ARK2C: variants seen among roughly 807,000 people sequenced by gnomAD.
The protein encoded by ARK2C is E3 ubiquitin-protein ligase ARK2C.
chr18:46,371,378 C>G, the ARK2C span, among the ~76,000 whole-genome samples: 1 of 152,110 alleles, frequency 6.6e-6, no homozygotes, highest in African/African-American at 2.4e-5. Context: ...GGAAGCACAG[C>G]CCAGGCCAGC....
the ARK2C span, chr18:46,460,537 ATTT>A: frequency 6.6e-6 from 1 of 152,380 alleles, no homozygotes; most frequent in African/African-American, 2.4e-5. Context: ...TTTAATTATA[ATTT>A]ATTTATTTAG....
At chr18:46,368,205 G>A in the ARK2C span, among the ~76,000 whole-genome samples, 1 of 152,300 alleles carries the variant, frequency 6.6e-6, no homozygotes, top group South Asian at 2.1e-4. Flanking sequence ...AAGCTTATTG[G>A]AAGTTCACTA....
At chr18:46,432,748 GA>G in the ARK2C span, among the ~76,000 whole-genome samples, 1 of 152,160 alleles carries the variant, frequency 6.6e-6, no homozygotes, top group Non-Finnish European at 1.5e-5. Context: ...ACGAGGTCAA[GA>G]GATCGAGACC....
At chr18:46,353,086 T>C in the ARK2C span, among the ~76,000 whole-genome samples, 1 of 152,222 alleles carries the variant, frequency 6.6e-6, no homozygotes, top group Non-Finnish European at 1.5e-5. Flanking sequence ...CCTGTGGCGA[T>C]TGGATGTGAT....
At chr18:46,407,428 A>T in the ARK2C span, among the ~76,000 whole-genome samples, 2 of 152,072 alleles carry the variant, frequency 1.3e-5, no homozygotes, top group Non-Finnish European at 2.9e-5. Context: ...CGTCATCATC[A>T]TTATTATTAT....
At chr18:46,399,064 G>A in the ARK2C span, among the ~76,000 whole-genome samples, 1 of 152,172 alleles carries the variant, frequency 6.6e-6, no homozygotes, top group African/African-American at 2.4e-5. Flanking sequence ...AGGAGATCAG[G>A]AGAAACTGTC....
the ARK2C span, among the ~76,000 whole-genome samples, chr18:46,391,668 A>G: frequency 2.0e-5 from 3 of 151,764 alleles, no homozygotes; most frequent in African/African-American, 4.8e-5. Flanking sequence ...TTTGCACACC[A>G]CTTACCTGGT....
the ARK2C span, chr18:46,455,836 A>C: frequency 1.7e-6 from 1 of 598,092 alleles, no homozygotes; most frequent in South Asian, 2.1e-5. Context: ...ATCAGTCTCA[A>C]AAACAAAACA....
chr18:46,340,574 C>T, the ARK2C span, among the ~76,000 whole-genome samples: 2 of 152,314 alleles, frequency 1.3e-5, no homozygotes, highest in Non-Finnish European at 2.9e-5. Context: ...AATGTCCACA[C>T]GAATGGCAGA....
chr18:46,383,758 G>A, the ARK2C span, among the ~76,000 whole-genome samples: 4 of 152,004 alleles, frequency 2.6e-5, no homozygotes, highest in South Asian at 2.1e-4. Context: ...GTTTCACCGT[G>A]TTGGCCAGGA....
At chr18:46,416,523 C>T in the ARK2C span, among the ~76,000 whole-genome samples, 1 of 152,202 alleles carries the variant, frequency 6.6e-6, no homozygotes, top group Admixed American at 6.5e-5. Flanking sequence ...AAAATTGAGT[C>T]CCCACCTCAA....
At chr18:46,377,596 C>A in the ARK2C span, among the ~76,000 whole-genome samples, 7 of 151,982 alleles carry the variant, frequency 4.6e-5, no homozygotes, top group Non-Finnish European at 1.0e-4. Context: ...AGCTAGGGAG[C>A]CAGGGAGAGG....
chr18:46,439,269 T>C, the ARK2C span, among the ~76,000 whole-genome samples: 3 of 152,202 alleles, frequency 2.0e-5, no homozygotes, highest in East Asian at 1.9e-4. Flanking sequence ...TCAGATGACA[T>C]TGCAGGGCAA....
At chr18:46,407,008 TTTTA>T in the ARK2C span, among the ~76,000 whole-genome samples, 1 of 152,258 alleles carries the variant, frequency 6.6e-6, no homozygotes, top group Non-Finnish European at 1.5e-5. Context: ...TTTATGGTGC[TTTTA>T]TTTAAGAATT....
At chr18:46,403,576 G>A in the ARK2C span, among the ~76,000 whole-genome samples, 2 of 152,260 alleles carry the variant, frequency 1.3e-5, no homozygotes, top group East Asian at 3.9e-4. Context: ...TGTGTCAGAT[G>A]CCTCATGAAA....
the ARK2C span, chr18:46,462,021 A>G: frequency 6.6e-6 from 1 of 152,396 alleles, no homozygotes; most frequent in South Asian, 2.1e-4. Flanking sequence ...CATGGAAAAC[A>G]GATTGGGACA....
chr18:46,354,273 A>G, the ARK2C span, among the ~76,000 whole-genome samples: 1 of 152,234 alleles, frequency 6.6e-6, no homozygotes, highest in Non-Finnish European at 1.5e-5. Context: ...TTGCTAGGCC[A>G]GGGATTGGGG....
At chr18:46,460,205 A>AGTTTTTTT in the ARK2C span, 1 of 152,550 alleles carries the variant, frequency 6.6e-6, no homozygotes, top group Non-Finnish European at 1.5e-5. Context: ...AAAGCACCAG[A>AGTTTTTTT]CTTTTTTTCT....
chr18:46,383,288 T>G, the ARK2C span, among the ~76,000 whole-genome samples: 78 of 152,292 alleles, frequency 5.1e-4, no homozygotes, highest in African/African-American at 1.8e-3. Flanking sequence ...ATGTGAAAAA[T>G]ACAATTTTTC....
Sources: allele counts gnomAD v4.1 joint callset (sites outside exome capture counted in the v4.1 genomes callset), GRCh38; gene constraint gnomAD v4.1.1; transcripts MANE v1.5; gene names NCBI Gene and HGNC (gene_info 2026-07-23, HGNC 2026-07-21).